Variants in PCCB observed in about 807,000 individuals in gnomAD.
The protein encoded by PCCB is propionyl-CoA carboxylase beta chain, mitochondrial.
A neutral mutation model predicts 60.7 loss-of-function variants in PCCB; 43 were observed. The ratio of observed to expected loss-of-function variants is 0.71; its 90% CI spans 0.55 to 0.91. PCCB has a LOEUF of 0.91. Among genes scored for constraint, PCCB ranks in the 40% least tolerant of loss-of-function variants. PCCB has a pLI of 0.00. For missense variants in PCCB, 766 were observed against 702.8 expected, an observed-to-expected ratio of 1.09 and a Z score of -1.02; for synonymous variants, 276 against 255.9, an observed-to-expected ratio of 1.08 and a Z score of -0.75.
At chr3:136,301,482 T>A (rs986480669) in intron 9 of PCCB, among the ~76,000 whole-genome samples, 39 of 152,036 alleles carry the variant, frequency 2.6e-4, no homozygotes, top group African/African-American at 8.9e-4. Context: ...GGGGGTTTTG[T>A]CTTTATAGAG....
Position 136,317,080 on chromosome 3 carries a change from T to TA in PCCB, c.1090+17dup, listed in dbSNP as rs774789485. 1 of 1,614,086 alleles carries TA rather than the reference T, an allele frequency of 6.2e-7. No individual in the cohort carries two copies. The highest frequency in any genetic ancestry group is 1.7e-5 in the Admixed American group (1 of 60,006). ...GTGGCCTCAGGTAGGATGGAGCTCT[T>TA]ATAAGCCTTGGTTTTGGGGTTGGAG... On this transcript the variant is annotated intron_variant, in intron 10 of 14. Coordinates refer to ENST00000251654, the MANE Select transcript of PCCB (RefSeq NM_000532.5).
chr3:136,290,644 A>G (rs929542631), intron 6 of PCCB, among the ~76,000 whole-genome samples: 1 of 120,600 alleles, frequency 8.3e-6, no homozygotes, highest in Admixed American at 9.8e-5. Flanking sequence ...ACAGGTGTGC[A>G]CCACTACACC....
intron 7 of PCCB, 79 bp from the exon 8 acceptor site, chr3:136,297,873 G>C (rs1016220924): frequency 6.5e-7 from 1 of 1,538,428 alleles, no homozygotes. Flanking sequence ...TGCCCTAGAA[G>C]GGCGCAGTCA....
At chr3:136,264,317 T>C (rs1941910000) in intron 5 of PCCB, among the ~76,000 whole-genome samples, 2 of 151,752 alleles carry the variant, frequency 1.3e-5, no homozygotes, top group South Asian at 4.2e-4. Context: ...ATCGATGTTA[T>C]TCTAATTCAT....
Position 136,327,316 on chromosome 3 carries a change from G to C in PCCB, c.1299+61G>C. 4 of 1,323,686 alleles carry C rather than the reference G, an allele frequency of 3.0e-6. No homozygotes were observed. In the South Asian group the frequency reaches 4.7e-5, roughly 16 times the overall value. 82.0% of individuals were successfully genotyped at this position (1,323,686 alleles called of 1,614,324 possible). A position where few individuals can be genotyped will look rare whatever the true frequency, so the allele number is the denominator to read the frequency against. On this transcript the variant is annotated intron_variant, in intron 12 of 14. Coordinates refer to ENST00000251654, the MANE Select transcript of PCCB (RefSeq NM_000532.5). ...ACTTTCCTACAGCATAGCCGTGGTG[G>C]GAGGTCTGGCAGAGTTTTACCAGGG...
rs534536573 is a variant in PCCB, at chr3:136,269,341, A to G, written c.543+7276A>G. On this transcript the variant is annotated intron_variant, in intron 5 of 14. Coordinates refer to ENST00000251654, the MANE Select transcript of PCCB (RefSeq NM_000532.5). ...TAATTTCCTATTTGGATTCTTTGCAAATGTATAGAGATACAATTGATTTTC... is the reference window on the plus strand; with the variant it reads ...TAATTTCCTATTTGGATTCTTTGCAGATGTATAGAGATACAATTGATTTTC... 3.9e-5 allele frequency among the ~76,000 whole-genome samples: 6 copies of G among 152,324 alleles called. No individual in the cohort carries two copies. In the South Asian group the frequency reaches 1.0e-3, roughly 26 times the overall value.
At chr3:136,260,388 T>C in intron 3 of PCCB, 91 bp from the exon 4 acceptor site, 2 of 1,144,312 alleles carry the variant, frequency 1.7e-6, no homozygotes, top group Non-Finnish European at 2.6e-6. Flanking sequence ...TAAAAACTTT[T>C]ATCTGTGAAT....
intron 5 of PCCB, among the ~76,000 whole-genome samples, chr3:136,273,991 C>T (rs1471373962): frequency 5.3e-5 from 8 of 151,376 alleles, no homozygotes; most frequent in Non-Finnish European, 1.2e-4. Context: ...ATCTCTTTCC[C>T]CCCCTTTACC....
intron 1 of PCCB, among the ~76,000 whole-genome samples, chr3:136,253,598 T>A (rs1175265968): frequency 6.6e-6 from 1 of 151,574 alleles, no homozygotes; most frequent in Non-Finnish European, 1.5e-5. Context: ...TTGAGCAGGC[T>A]GGTCTCTAAC....
Position 136,254,108 on chromosome 3 carries a change from G to A in PCCB, c.184-1748G>A, listed in dbSNP as rs369625955. 3.5e-4 allele frequency among the ~76,000 whole-genome samples: 54 copies of A among 152,182 alleles called. No individual in the cohort carries two copies. In the East Asian group the frequency reaches 0.01, roughly 28 times the overall value. ...CTACTTTCCTAAGGGGGAAATAATA[G>A]CCAATTTGAGGTATGTGGTTTTTTT... On this transcript the variant is annotated intron_variant, in intron 1 of 14. Coordinates refer to ENST00000251654, the MANE Select transcript of PCCB (RefSeq NM_000532.5).
intron 6 of PCCB, among the ~76,000 whole-genome samples, chr3:136,288,338 T>A (rs1053233103): frequency 3.9e-5 from 6 of 152,116 alleles, no homozygotes; most frequent in Non-Finnish European, 7.4e-5. Context: ...TCTTAAAATG[T>A]TTTTTATTAT....
intron 6 of PCCB, among the ~76,000 whole-genome samples, chr3:136,288,199 CT>C (rs1273212166): frequency 2.0e-5 from 3 of 152,062 alleles, no homozygotes; most frequent in African/African-American, 7.2e-5. Flanking sequence ...TGTAGTCTAT[CT>C]TGGTGAATGT....
intron 5 of PCCB, among the ~76,000 whole-genome samples, chr3:136,274,941 T>G (rs111762753): frequency 0.013 from 1,933 of 151,990 alleles, 34 homozygotes; most frequent in East Asian, 0.047. Flanking sequence ...CTCCTGAGTA[T>G]CTGGGACTAC....
chr3:136,259,952 A>T (rs768234865), intron 3 of PCCB, among the ~76,000 whole-genome samples: 26 of 150,998 alleles, frequency 1.7e-4, no homozygotes, highest in Non-Finnish European at 3.1e-4. Context: ...GGGTTTCACC[A>T]TGTTGGCCAG....
intron 3 of PCCB, chr3:136,260,074 T>C: frequency 3.6e-6 from 1 of 277,316 alleles, no homozygotes; most frequent in South Asian, 3.9e-5. Flanking sequence ...TTTGTTTTGT[T>C]TTGTTTTGTT....
intron 9 of PCCB, among the ~76,000 whole-genome samples, chr3:136,310,362 T>TAA (rs749793184): frequency 7.9e-6 from 1 of 126,544 alleles, no homozygotes; most frequent in Non-Finnish European, 1.7e-5. Flanking sequence ...AAACTCCATC[T>TAA]AAAAAAAAAA....
chr3:136,275,897 A>G (rs1942320882), intron 5 of PCCB, among the ~76,000 whole-genome samples: 2 of 152,106 alleles, frequency 1.3e-5, no homozygotes, highest in Non-Finnish European at 2.9e-5. Context: ...CAGCTTCCCG[A>G]GTAGCTGGGA....
intron 3 of PCCB, chr3:136,259,044 T>C (rs1214337677): frequency 1.4e-6 from 1 of 736,646 alleles, no homozygotes; most frequent in Non-Finnish European, 1.9e-6. Context: ...TTCCTAACTG[T>C]CTTTTTGAGG....
chr3:136,325,757 A>G (rs573996329), intron 10 of PCCB, among the ~76,000 whole-genome samples: 1 of 152,120 alleles, frequency 6.6e-6, no homozygotes, highest in South Asian at 2.1e-4. Flanking sequence ...TAATTTCATT[A>G]GTTTTCACAT....
Sources: allele counts gnomAD v4.1 joint callset (sites outside exome capture counted in the v4.1 genomes callset), GRCh38; gene constraint gnomAD v4.1.1; transcripts MANE v1.5; gene names NCBI Gene and HGNC (gene_info 2026-07-23, HGNC 2026-07-21).